The following RALYL variants were observed in gnomAD, a reference collection of about 807,000 sequenced individuals.
The protein encoded by RALYL is RALY RNA binding protein like, also known as RNA-binding Raly-like protein.
RALYL carries 29 observed loss-of-function variants against 35.1 expected under a neutral mutation model. The observed-to-expected ratio is 0.83, with a 90% confidence interval of 0.61 to 1.13. The LOEUF is 1.13. Among genes scored for constraint, RALYL ranks in the 50% most tolerant of loss-of-function variants. The pLI is 0.00. For missense variants in RALYL, 359 were observed against 360.4 expected, an observed-to-expected ratio of 1.00 and a Z score of 0.03; for synonymous variants, 120 against 127.6, an observed-to-expected ratio of 0.94 and a Z score of 0.40.
chr8:84,302,856 T>C (rs1299567992), intron 1 of RALYL, among the ~76,000 whole-genome samples: 5 of 152,184 alleles, frequency 3.3e-5, no homozygotes, highest in African/African-American at 1.2e-4. Context: ...AGTCTTTCTA[T>C]TTCTGCTCTG....
intron 1 of RALYL, among the ~76,000 whole-genome samples, chr8:84,197,613 A>C (rs1044570828): frequency 6.6e-6 from 1 of 152,106 alleles, no homozygotes; most frequent in African/African-American, 2.4e-5. Flanking sequence ...GAGCTCCAGA[A>C]GATGAGACTA....
chr8:84,346,557 C>T (rs1350841744), intron 1 of RALYL, among the ~76,000 whole-genome samples: 1 of 152,054 alleles, frequency 6.6e-6, no homozygotes, highest in Admixed American at 6.6e-5. Flanking sequence ...CAACCTTCGC[C>T]TCCTGGGTTC....
At chr8:84,470,013 G>C (rs534875538) in intron 1 of RALYL, among the ~76,000 whole-genome samples, 2 of 152,196 alleles carry the variant, frequency 1.3e-5, no homozygotes, top group African/African-American at 4.8e-5. Context: ...CACGGTGCGC[G>C]CACCCACTGA....
At position 84,397,834 on chromosome 8, in the gene RALYL, A is replaced by T. The variant is rs550104632; in HGVS notation, c.-23-131465A>T. On this transcript the variant is annotated intron_variant, in intron 1 of 8. Transcript: ENST00000521268. ...ACCTCCTGTTTTCTGGGAGTATTTA[A>T]TTTTAAGAGAGACCCATACTTCCTT... Among the ~76,000 whole-genome samples, 97 of 152,268 alleles carry T rather than the reference A, an allele frequency of 6.4e-4. 2 individuals carry two copies. The South Asian group carries it at 0.018, about 28-fold the overall frequency.
At chr8:84,671,047 T>A (rs181372911) in intron 2 of RALYL, among the ~76,000 whole-genome samples, 2 of 152,170 alleles carry the variant, frequency 1.3e-5, no homozygotes, top group African/African-American at 4.8e-5. Context: ...GGTACAGGCA[T>A]TGGGTAAATA....
At chr8:84,245,738 A>AGCAT (rs1341430682) in intron 1 of RALYL, among the ~76,000 whole-genome samples, 1 of 152,126 alleles carries the variant, frequency 6.6e-6, no homozygotes, top group Non-Finnish European at 1.5e-5. Context: ...TATGCATGAT[A>AGCAT]GCATGTTTAA....
intron 4 of RALYL, among the ~76,000 whole-genome samples, chr8:84,834,418 A>G (rs1476119745): frequency 1.3e-5 from 2 of 152,218 alleles, no homozygotes; most frequent in East Asian, 3.8e-4. Flanking sequence ...AGAGAAGTCT[A>G]TGAGGATGTT....
intron 1 of RALYL, among the ~76,000 whole-genome samples, chr8:84,296,300 A>C (rs1839729257): frequency 6.6e-6 from 1 of 152,120 alleles, no homozygotes; most frequent in African/African-American, 2.4e-5. Context: ...GTAATTATTC[A>C]AGATGTGGAA....
intron 1 of RALYL, among the ~76,000 whole-genome samples, chr8:84,291,889 A>C (rs1219277631): frequency 3.3e-5 from 5 of 149,778 alleles, no homozygotes; most frequent in Non-Finnish European, 7.4e-5. Context: ...TAAGAAGCTA[A>C]ATAATAAAAA....
At chr8:84,310,186 G>A (rs1356446703) in intron 1 of RALYL, among the ~76,000 whole-genome samples, 1 of 151,882 alleles carries the variant, frequency 6.6e-6, no homozygotes, top group Non-Finnish European at 1.5e-5. Flanking sequence ...GGGGTTACAG[G>A]CACATACCAC....
chr8:84,593,992 A>G (rs1813896309), intron 2 of RALYL, among the ~76,000 whole-genome samples: 1 of 151,984 alleles, frequency 6.6e-6, no homozygotes, highest in African/African-American at 2.4e-5. Context: ...TCATAGTAGC[A>G]TTTGTGTCCA....
At chr8:84,207,444 T>C (rs1468904075) in intron 1 of RALYL, among the ~76,000 whole-genome samples, 1 of 152,206 alleles carries the variant, frequency 6.6e-6, no homozygotes. Context: ...GAGGGCATTA[T>C]GCTGTGTGAA....
At chr8:84,237,671 A>G (rs1246585440) in intron 1 of RALYL, among the ~76,000 whole-genome samples, 1 of 152,204 alleles carries the variant, frequency 6.6e-6, no homozygotes, top group East Asian at 1.9e-4. Context: ...ATAGAGGAAC[A>G]TCAGGCTGTA....
At chr8:84,196,469 A>G (rs1815306728) in intron 1 of RALYL, among the ~76,000 whole-genome samples, 1 of 152,224 alleles carries the variant, frequency 6.6e-6, no homozygotes, top group South Asian at 2.1e-4. Flanking sequence ...TTTCATAAAG[A>G]TTTTATGTAG....
rs16913209 is a variant in RALYL at position 84,755,424 on chromosome 8, G to A, written c.257-19155G>A. ...TGTGTAGCAGTTACTTTAAATCTCCGTAGTCCCTTTTGTTCATATTTGCTG... is the reference window on the plus strand; with the variant it reads ...TGTGTAGCAGTTACTTTAAATCTCCATAGTCCCTTTTGTTCATATTTGCTG... On this transcript the variant is annotated intron_variant, in intron 2 of 8. Transcript: ENST00000521268. 2.8e-3 allele frequency among the ~76,000 whole-genome samples: 421 copies of A among 152,206 alleles called. 5 individuals carry two copies. In the East Asian group the frequency reaches 0.047, roughly 17 times the overall value.
intron 2 of RALYL, among the ~76,000 whole-genome samples, chr8:84,595,588 G>T (rs1356588156): frequency 2.0e-5 from 3 of 151,998 alleles, no homozygotes; most frequent in African/African-American, 4.8e-5. Context: ...GCACTTTTAA[G>T]AATCTTAATG....
chr8:84,650,009 T>C (rs975891098), intron 2 of RALYL, among the ~76,000 whole-genome samples: 2 of 152,118 alleles, frequency 1.3e-5, no homozygotes, highest in Non-Finnish European at 2.9e-5. Context: ...CCCTTGTAAG[T>C]TGGATTCCTA....
chr8:84,663,032 G>T (rs1180986811), intron 2 of RALYL, among the ~76,000 whole-genome samples: 1 of 151,974 alleles, frequency 6.6e-6, no homozygotes, highest in Non-Finnish European at 1.5e-5. Context: ...TCCTCCCTGA[G>T]TCCATGTGTT....
At chr8:84,655,982 C>G (rs1489921805) in intron 2 of RALYL, among the ~76,000 whole-genome samples, 1 of 152,080 alleles carries the variant, frequency 6.6e-6, no homozygotes, top group East Asian at 1.9e-4. Flanking sequence ...TACCTTATGG[C>G]ATATATCTCA....
Sources: gnomAD v4.1 joint callset for allele counts (sites outside exome capture counted in the v4.1 genomes callset) on GRCh38, gnomAD v4.1.1 for gene constraint, MANE v1.5 for transcripts, NCBI Gene and HGNC (gene_info 2026-07-23, HGNC 2026-07-21) for gene names.